The following CPEB1 variants were observed in gnomAD, a reference collection of about 807,000 sequenced individuals.
CPEB1 encodes cytoplasmic polyadenylation element-binding protein 1.
In CPEB1, 7 loss-of-function variants were observed where a neutral mutation model predicts 65.8. The observed-to-expected ratio is 0.11, with a 90% CI of 0.06 to 0.20. The LOEUF is 0.20. Among genes scored for constraint, CPEB1 ranks in the 10% least tolerant of loss-of-function variants. The pLI, the probability that CPEB1 is intolerant of heterozygous loss-of-function variation, is 1.00. For synonymous variants in CPEB1, 262 were observed against 260.0 expected, an observed-to-expected ratio of 1.01 and a Z score of -0.08; for missense variants, 551 against 712.2, an observed-to-expected ratio of 0.77 and a Z score of 2.58.
chr15:82,598,644 G>T (rs571714600), intron 3 of CPEB1, among the ~76,000 whole-genome samples: 1 of 152,160 alleles, frequency 6.6e-6, no homozygotes, highest in African/African-American at 2.4e-5. Flanking sequence ...AATTAGCTGG[G>T]CGTGGTGGTG....
intron 3 of CPEB1, among the ~76,000 whole-genome samples, chr15:82,580,350 A>G (rs1254322991): frequency 6.6e-6 from 1 of 151,900 alleles, no homozygotes; most frequent in Non-Finnish European, 1.5e-5. Context: ...AGAAGAAAAA[A>G]GAAATAATGA....
intron 1 of CPEB1, among the ~76,000 whole-genome samples, chr15:82,643,836 C>T (rs2047290875): frequency 6.6e-6 from 1 of 151,948 alleles, no homozygotes; most frequent in Admixed American, 6.6e-5. Context: ...TTTTTTTAAC[C>T]TTTATTAATT....
At chr15:82,604,176 C>T (rs1479827969) in intron 3 of CPEB1, among the ~76,000 whole-genome samples, 2 of 152,092 alleles carry the variant, frequency 1.3e-5, no homozygotes, top group African/African-American at 4.8e-5. Context: ...TAGCAAGGCT[C>T]CATTGCTACA....
At chr15:82,545,660 A>C (rs1340720097) in intron 12 of CPEB1, among the ~76,000 whole-genome samples, 1 of 152,228 alleles carries the variant, frequency 6.6e-6, no homozygotes, top group Non-Finnish European at 1.5e-5. Flanking sequence ...TCCATCACCC[A>C]GGAACATTCA....
intron 1 of CPEB1, chr15:82,629,983 T>C: frequency 1.0e-6 from 1 of 985,450 alleles, no homozygotes; most frequent in East Asian, 1.1e-4. Flanking sequence ...TCCCAAGCTC[T>C]CTAGAGTGGT....
chr15:82,629,718 A>G (rs1316483535), intron 1 of CPEB1: 1 of 985,322 alleles, frequency 1.0e-6, no homozygotes, highest in East Asian at 1.1e-4. Flanking sequence ...CAGACCAAGT[A>G]ATGAAACTGG....
At chr15:82,557,505 T>TG (rs1442485990) in intron 5 of CPEB1, 1 of 441,760 alleles carries the variant, frequency 2.3e-6, no homozygotes, top group Admixed American at 4.0e-5. Context: ...CCAGTACTCT[T>TG]GGAGTAGCTA....
intron 2 of CPEB1, 128 bp from the exon 3 acceptor site, chr15:82,627,495 G>C (rs900253384): frequency 3.1e-6 from 2 of 650,166 alleles, no homozygotes; most frequent in South Asian, 2.6e-5. Flanking sequence ...AACACTTAAT[G>C]AGTGTTTACT....
intron 3 of CPEB1, among the ~76,000 whole-genome samples, chr15:82,574,908 T>C (rs2040489874): frequency 6.6e-6 from 1 of 152,068 alleles, no homozygotes; most frequent in Admixed American, 6.6e-5. Context: ...TTTAAATACA[T>C]CTAATTTACT....
At chr15:82,645,358 G>GT in intron 1 of CPEB1, among the ~76,000 whole-genome samples, 1 of 152,008 alleles carries the variant, frequency 6.6e-6, no homozygotes, top group South Asian at 2.1e-4. Flanking sequence ...TCACCTTGTT[G>GT]GCCAGGCTGG....
In CPEB1 at chr15:82,546,654, A is replaced by G. The variant is rs915335431; in HGVS notation, c.1576-133T>C. The G allele has an allele frequency of 1.1e-5, 8 of 709,312 alleles. No homozygotes were observed. The African/African-American group carries it at 1.4e-4, about 13-fold the overall frequency. The allele number at this position is 709,312 out of a possible 1,614,324, so 43.9% of individuals were successfully genotyped here. A position where few individuals can be genotyped will look rare whatever the true frequency, so the allele number is the denominator to read the frequency against. ...GGAATGCAGGATATTTGCCTGTTTT[A>G]AAGGAGGCTTGGAGAGAATTATGGG... On this transcript the variant is annotated intron_variant, in intron 11 of 12. Coordinates refer to ENST00000684509, the MANE Select transcript of CPEB1 (RefSeq NM_001365242.1).
chr15:82,632,126 C>T (rs910474043), intron 1 of CPEB1, among the ~76,000 whole-genome samples: 12 of 151,448 alleles, frequency 7.9e-5, no homozygotes, highest in African/African-American at 2.2e-4. Flanking sequence ...GGACTACATA[C>T]GCCCGCCACC....
intron 1 of CPEB1, among the ~76,000 whole-genome samples, chr15:82,632,934 T>C (rs80033110): frequency 0.013 from 1,925 of 152,310 alleles, 35 homozygotes; most frequent in African/African-American, 0.043. Flanking sequence ...TTACTTTGTG[T>C]AGTCCATCTG....
At chr15:82,643,400 G>A (rs2047254100) in intron 1 of CPEB1, among the ~76,000 whole-genome samples, 1 of 152,272 alleles carries the variant, frequency 6.6e-6, no homozygotes, top group African/African-American at 2.4e-5. Flanking sequence ...GGGAGGCTGA[G>A]GCGGACAGAT....
intron 3 of CPEB1, among the ~76,000 whole-genome samples, chr15:82,593,369 A>G (rs1175413948): frequency 6.6e-6 from 1 of 152,222 alleles, no homozygotes; most frequent in African/African-American, 2.4e-5. Flanking sequence ...CACCAGGAGT[A>G]GATTCTATCA....
intron 3 of CPEB1, among the ~76,000 whole-genome samples, chr15:82,603,380 G>A (rs944007541): frequency 1.1e-4 from 16 of 151,690 alleles, no homozygotes; most frequent in African/African-American, 3.9e-4. Context: ...AAAAATCAGA[G>A]GCAATTATTA....
At chr15:82,562,133 C>G (rs1474946642) in intron 4 of CPEB1, 1 of 444,592 alleles carries the variant, frequency 2.2e-6, no homozygotes, top group Non-Finnish European at 4.5e-6. Context: ...CTTTCCCACT[C>G]CAAGTACCAT....
At chr15:82,582,889 C>A (rs572755939) in intron 3 of CPEB1, among the ~76,000 whole-genome samples, 14 of 152,052 alleles carry the variant, frequency 9.2e-5, no homozygotes, top group African/African-American at 3.4e-4. Flanking sequence ...ACAACAGACA[C>A]TGGCCACCAC....
intron 3 of CPEB1, among the ~76,000 whole-genome samples, chr15:82,618,218 T>G (rs558665291): frequency 6.6e-6 from 1 of 152,304 alleles, no homozygotes; most frequent in East Asian, 1.9e-4. Flanking sequence ...TTTGACAGTT[T>G]CAGTTATTCA....
Sources: allele counts gnomAD v4.1 joint callset (sites outside exome capture counted in the v4.1 genomes callset), GRCh38; gene constraint gnomAD v4.1.1; transcripts MANE v1.5; gene names NCBI Gene and HGNC (gene_info 2026-07-23, HGNC 2026-07-21).